Variants in ELF1 observed in about 807,000 individuals in gnomAD.
The protein encoded by ELF1 is ETS-related transcription factor Elf-1.
A neutral mutation model predicts 59.9 loss-of-function variants in ELF1; 24 were observed. The observed-to-expected ratio is 0.40, with a 90% CI of 0.29 to 0.56. The LOEUF (loss-of-function observed/expected upper bound fraction) is 0.56. ELF1 is among the 20% of genes least tolerant of loss of function. The pLI is 0.44. For synonymous variants in ELF1, 248 were observed against 266.2 expected, an observed-to-expected ratio of 0.93 and a Z score of 0.67; for missense variants, 627 against 742.2, an observed-to-expected ratio of 0.84 and a Z score of 1.80.
At chr13:40,977,000 C>G (rs1415954463) in intron 2 of ELF1, among the ~76,000 whole-genome samples, 1 of 148,388 alleles carries the variant, frequency 6.7e-6, no homozygotes, top group Non-Finnish European at 1.5e-5. Flanking sequence ...AAACTTCTCT[C>G]TAGTGACTTA....
intron 1 of ELF1, among the ~76,000 whole-genome samples, chr13:41,047,357 A>G (rs951313490): frequency 1.3e-5 from 2 of 152,064 alleles, no homozygotes; most frequent in Admixed American, 1.3e-4. Flanking sequence ...AAGTGCTCTG[A>G]TTTTTAGAAT....
At chr13:40,973,713 C>G (rs957648778) in intron 2 of ELF1, among the ~76,000 whole-genome samples, 2 of 151,610 alleles carry the variant, frequency 1.3e-5, no homozygotes, top group African/African-American at 4.8e-5. Flanking sequence ...GTTGCCAACT[C>G]TATTTCTGAC....
At chr13:41,059,955 G>C (rs1877441077) in intron 1 of ELF1, among the ~76,000 whole-genome samples, 1 of 152,200 alleles carries the variant, frequency 6.6e-6, no homozygotes, top group East Asian at 1.9e-4. Context: ...TCTCATCAGA[G>C]TGGTATTTTT....
At chr13:40,946,795 TTTA>T (rs1198322693) in intron 5 of ELF1, among the ~76,000 whole-genome samples, 1 of 151,930 alleles carries the variant, frequency 6.6e-6, no homozygotes, top group African/African-American at 2.4e-5. Context: ...AGCCTAGAAG[TTTA>T]AGACCAAGCT....
intron 3 of ELF1, among the ~76,000 whole-genome samples, chr13:40,952,027 T>C (rs1870888586): frequency 6.6e-6 from 1 of 152,252 alleles, no homozygotes; most frequent in South Asian, 2.1e-4. Context: ...TAAGTCTGCA[T>C]ATTGCAATTG....
exon 1 of ELF1, chr13:41,061,127 C>A: frequency 5.2e-6 from 1 of 193,372 alleles, no homozygotes; most frequent in Non-Finnish European, 1.1e-5. Context: ...CCAGAGGACC[C>A]CGACCCACAG....
intron 1 of ELF1, among the ~76,000 whole-genome samples, chr13:41,050,263 A>T (rs1050545574): frequency 4.6e-5 from 7 of 152,100 alleles, no homozygotes; most frequent in African/African-American, 1.4e-4. Context: ...ATCATGCAGT[A>T]TATCTTCTTT....
intron 1 of ELF1, among the ~76,000 whole-genome samples, chr13:41,058,818 C>A (rs1877381203): frequency 6.6e-6 from 1 of 152,064 alleles, no homozygotes; most frequent in Non-Finnish European, 1.5e-5. Flanking sequence ...ACTCAAAATA[C>A]AAAAATTGGC....
intron 8 of ELF1, among the ~76,000 whole-genome samples, chr13:40,936,190 T>C (rs890011146): frequency 1.3e-5 from 2 of 152,144 alleles, no homozygotes; most frequent in African/African-American, 4.8e-5. Flanking sequence ...AGAGGCCATC[T>C]GACTGCAGAG....
At chr13:41,035,195 T>C (rs548026652) in intron 1 of ELF1, among the ~76,000 whole-genome samples, 72 of 152,394 alleles carry the variant, frequency 4.7e-4, no homozygotes, top group Admixed American at 9.1e-4. Context: ...CAAGGATGAA[T>C]AGATTTCCTT....
At chr13:40,993,076 T>C (rs1186807738) in intron 1 of ELF1, 5 of 1,608,266 alleles carry the variant, frequency 3.1e-6, no homozygotes, top group Non-Finnish European at 4.2e-6. Context: ...TTCATCATCT[T>C]GTCAAAATTT....
intron 2 of ELF1, among the ~76,000 whole-genome samples, chr13:40,977,599 A>G (rs1404755977): frequency 6.6e-6 from 1 of 152,212 alleles, no homozygotes; most frequent in Non-Finnish European, 1.5e-5. Flanking sequence ...AACAAAAAAT[A>G]TATTCTAATC....
intron 1 of ELF1, among the ~76,000 whole-genome samples, chr13:41,014,580 T>C (rs1875249611): frequency 2.0e-5 from 3 of 152,278 alleles, no homozygotes; most frequent in Middle Eastern, 3.4e-3. Context: ...AAAAACTCTT[T>C]TGTAGGTTCT....
intron 8 of ELF1, among the ~76,000 whole-genome samples, chr13:40,938,695 G>A (rs909402400): frequency 1.1e-4 from 16 of 152,014 alleles, no homozygotes; most frequent in Admixed American, 5.9e-4. Flanking sequence ...CTCTGTGTCA[G>A]CTCTTGTTGT....
intron 1 of ELF1, among the ~76,000 whole-genome samples, chr13:40,996,641 T>A (rs1352673459): frequency 1.3e-5 from 2 of 152,174 alleles, no homozygotes; most frequent in Non-Finnish European, 2.9e-5. Flanking sequence ...CTGTAACAAG[T>A]GCACCGCTCT....
At chr13:41,041,631 C>A (rs552168807) in intron 1 of ELF1, among the ~76,000 whole-genome samples, 1 of 151,986 alleles carries the variant, frequency 6.6e-6, no homozygotes, top group African/African-American at 2.4e-5. Flanking sequence ...GCCATTATTG[C>A]GCCACTGCAC....
In ELF1 at chr13:41,029,799, C is replaced by G. The variant is rs563465572; in HGVS notation, c.-229+31039G>C. On this transcript the variant is annotated intron_variant, in intron 1 of 1. Coordinates refer to the ELF1 transcript ENST00000405737. ...AAGGTGAATTCTCTCTTTCTTGGAG[C>G]TGGGGCGCCCTCCTTCTCCAGCAAC... Among the ~76,000 whole-genome samples, 5 of 152,292 alleles carry G rather than the reference C, an allele frequency of 3.3e-5. No individual in the cohort carries two copies. In the South Asian group the frequency reaches 1.0e-3, roughly 32 times the overall value.
intron 3 of ELF1, 161 bp from the exon 4 acceptor site, chr13:40,951,597 C>A (rs761363447): frequency 2.7e-5 from 12 of 442,888 alleles, no homozygotes; most frequent in Middle Eastern, 6.2e-4. Context: ...ACCTGGCTGG[C>A]GCAGTGGCTC....
At chr13:41,043,210 T>C (rs1876697505) in intron 1 of ELF1, among the ~76,000 whole-genome samples, 1 of 152,350 alleles carries the variant, frequency 6.6e-6, no homozygotes, top group Non-Finnish European at 1.5e-5. Context: ...ATTAGCCCTT[T>C]GTCAGATGAG....
Sources: allele counts gnomAD v4.1 joint callset (sites outside exome capture counted in the v4.1 genomes callset), GRCh38; gene constraint gnomAD v4.1.1; transcripts MANE v1.5; gene names NCBI Gene and HGNC (gene_info 2026-07-23, HGNC 2026-07-21).